The following ACP3 variants were observed in gnomAD, a reference collection of about 807,000 sequenced individuals.
The protein encoded by ACP3 is prostatic acid phosphatase.
Under a neutral mutation model 45.6 loss-of-function variants are expected in ACP3, and 38 were observed. The observed-to-expected ratio is 0.83, with a 90% CI of 0.64 to 1.09. The LOEUF is 1.09. Among genes scored for constraint, ACP3 ranks in the 50% least tolerant of loss-of-function variants. The pLI, the probability that ACP3 is intolerant of heterozygous loss-of-function variation, is 0.00. For synonymous variants in ACP3, 162 were observed against 164.7 expected (o/e 0.98, Z 0.13); for missense variants, 466 against 463.2 (o/e 1.01, Z -0.05).
chr3:132,352,166 G>A (rs1937757137), intron 8 of ACP3, among the ~76,000 whole-genome samples: 1 of 151,592 alleles, frequency 6.6e-6, no homozygotes, highest in African/African-American at 2.4e-5. Context: ...AATTTCCCTG[G>A]GTCTCAATTT....
chr3:132,330,643 A>G (rs1350161071), intron 2 of ACP3, among the ~76,000 whole-genome samples: 1 of 152,070 alleles, frequency 6.6e-6, no homozygotes, highest in Non-Finnish European at 1.5e-5. Context: ...CCTTGTCCCT[A>G]TCGTAGATGG....
At chr3:132,335,967 A>G (rs6768452) in intron 4 of ACP3, among the ~76,000 whole-genome samples, 3,855 of 152,314 alleles carry the variant, frequency 0.025, 194 homozygotes, top group African/African-American at 0.088. Flanking sequence ...TCATGCTTAA[A>G]AAATAATAAT....
In ACP3 at chr3:132,356,899, G is replaced by A. The variant is rs7625966; in HGVS notation, c.*21G>A. 9 of 1,595,296 alleles carry A rather than the reference G, an allele frequency of 5.6e-6. No individual in the cohort carries two copies. Among genetic ancestry groups the A allele is most frequent in the Non-Finnish European group, 7.7e-6 (9 of 1,167,464 alleles). ...ATTAGTGTGCACAGAGATCTCTGTA[G>A]AAGGAGTAGCTGCCCTTTCTCAGGG... On this transcript the variant is annotated 3_prime_UTR_variant, in exon 10 of 10. Transcript: ENST00000336375.
intron 4 of ACP3, among the ~76,000 whole-genome samples, chr3:132,337,090 G>A (rs1477726779): frequency 6.6e-6 from 1 of 151,982 alleles, no homozygotes; most frequent in Non-Finnish European, 1.5e-5. Context: ...GTGTGTGTGT[G>A]TGTGTGTGTA....
At chr3:132,318,224 G>T (rs1424465197) in intron 1 of ACP3, among the ~76,000 whole-genome samples, 1 of 152,178 alleles carries the variant, frequency 6.6e-6, no homozygotes, top group Non-Finnish European at 1.5e-5. Context: ...TGGAAAGAGG[G>T]TTTGCAAAGT....
chr3:132,338,845 T>C (rs1457768539), intron 5 of ACP3, among the ~76,000 whole-genome samples: 1 of 152,200 alleles, frequency 6.6e-6, no homozygotes, highest in African/African-American at 2.4e-5. Context: ...TTAAATACCA[T>C]TTTTTGGTTT....
At chr3:132,337,239 A>C (rs1937507264) in intron 4 of ACP3, 1 of 411,498 alleles carries the variant, frequency 2.4e-6, no homozygotes. Context: ...AATGAAAAAA[A>C]AGGATTTTCA....
At position 132,357,608 on chromosome 3, in the gene ACP3, C is replaced by T. The variant is rs762588641; in HGVS notation, c.*730C>T. 1.0e-6 allele frequency: 1 copy of T among 984,404 alleles called. No individual in the cohort carries two copies. Among genetic ancestry groups the T allele is most frequent in the Non-Finnish European group, 1.2e-6 (1 of 829,098 alleles). 61.0% of individuals were successfully genotyped at this position (984,404 alleles called of 1,614,324 possible). On this transcript the variant is annotated 3_prime_UTR_variant, in exon 10 of 10. Transcript: ENST00000336375. ...GATGTATGTAATACATATAGCAGCT[C>T]TTGAAGTATATATATCATAGCAAAT...
intron 8 of ACP3, among the ~76,000 whole-genome samples, chr3:132,351,896 C>A (rs982160035): frequency 5.9e-5 from 9 of 152,190 alleles, no homozygotes; most frequent in Non-Finnish European, 1.2e-4. Flanking sequence ...CCTATACCTT[C>A]CAGCCACTCT....
intron 7 of ACP3, among the ~76,000 whole-genome samples, chr3:132,347,019 T>G (rs945629197): frequency 2.6e-5 from 4 of 152,248 alleles, no homozygotes; most frequent in Non-Finnish European, 4.4e-5. Context: ...TCCTCATGTT[T>G]CCTCTTTTAT....
chr3:132,332,266 A>C lies in ACP3; in HGVS notation c.378A>C (p.Pro126=). Residue 126 remains proline, a synonymous_variant, in exon 4 of 10, where the codon CCA becomes CCC. Coordinates refer to ENST00000336375, the MANE Select transcript of ACP3 (RefSeq NM_001099.5). ...CAAACCTGGCAGCCCTGTTTCCCCC[A>C]GAAGGTGTCAGCATCTGGAATCCTA... ...AMTNLAALFP[P]EGVSIWNPIL... The C allele has an allele frequency of 6.2e-7, 1 of 1,614,152 alleles. No individual in the cohort carries two copies. The highest frequency in any genetic ancestry group is 8.5e-7 in the Non-Finnish European group (1 of 1,180,008).
downstream of ACP3, among the ~76,000 whole-genome samples, chr3:132,362,739 T>C (rs758272230): frequency 1.4e-4 from 21 of 152,248 alleles, no homozygotes; most frequent in Non-Finnish European, 2.4e-4. Flanking sequence ...GAGGAGGATG[T>C]TACAGACAAA....
chr3:132,329,493 T>C (rs763174611), intron 2 of ACP3, among the ~76,000 whole-genome samples: 3 of 152,172 alleles, frequency 2.0e-5, no homozygotes, highest in Non-Finnish European at 2.9e-5. Flanking sequence ...ATCTTCTGTC[T>C]CCCAGGTCAA....
chr3:132,331,594 G>A (rs1466447736), intron 2 of ACP3, 53 bp from the exon 3 acceptor site: 22 of 1,386,968 alleles, frequency 1.6e-5, no homozygotes, highest in Non-Finnish European at 1.9e-5. Flanking sequence ...TTATGATAGT[G>A]TGATTCATAG....
At chr3:132,347,501 A>G (rs902752143) in intron 7 of ACP3, among the ~76,000 whole-genome samples, 2 of 151,914 alleles carry the variant, frequency 1.3e-5, no homozygotes, top group African/African-American at 4.8e-5. Flanking sequence ...TGTTTTTGAG[A>G]CAGGGTCTCA....
chr3:132,346,226 CA>C (rs749982500), intron 7 of ACP3, among the ~76,000 whole-genome samples: 1 of 152,132 alleles, frequency 6.6e-6, no homozygotes, highest in Non-Finnish European at 1.5e-5. Context: ...GAAAAGGAAT[CA>C]ATTATAGCTA....
chr3:132,338,141 A>G (rs1331981779), intron 5 of ACP3, among the ~76,000 whole-genome samples: 1 of 152,076 alleles, frequency 6.6e-6, no homozygotes, highest in Non-Finnish European at 1.5e-5. Flanking sequence ...GCAGTCTTTT[A>G]TGTATTTTAT....
At chr3:132,347,548 C>T (rs1252416978) in intron 7 of ACP3, among the ~76,000 whole-genome samples, 2 of 152,090 alleles carry the variant, frequency 1.3e-5, no homozygotes, top group African/African-American at 4.8e-5. Flanking sequence ...AGCATGATCA[C>T]GGCTCACTGT....
At position 132,357,633 on chromosome 3, in the gene ACP3, T is replaced by C. The variant is rs2107819710; in HGVS notation, c.*755T>C. On this transcript the variant is annotated 3_prime_UTR_variant, in exon 10 of 10. Coordinates refer to ENST00000336375, the MANE Select transcript of ACP3 (RefSeq NM_001099.5). ...CTTGAAGTATATATATCATAGCAAA[T>C]AAGTCATCTGATGAGAACAAGCTAT... is the stretch of plus-strand genomic sequence containing the variant. 1.0e-6 allele frequency: 1 copy of C among 984,786 alleles called. No homozygotes were observed. The highest frequency in any genetic ancestry group is 1.1e-4 in the East Asian group (1 of 8,804). 61.0% of individuals were successfully genotyped at this position (984,786 alleles called of 1,614,324 possible).
Sources: allele counts gnomAD v4.1 joint callset (sites outside exome capture counted in the v4.1 genomes callset), GRCh38; gene constraint gnomAD v4.1.1; transcripts MANE v1.5; gene names NCBI Gene and HGNC (gene_info 2026-07-23, HGNC 2026-07-21).